IL17REL: variants seen among roughly 807,000 people sequenced by gnomAD.
The protein encoded by IL17REL is interleukin 17 receptor E like.
A neutral mutation model predicts 49.0 loss-of-function variants in IL17REL; 36 were observed. The observed-to-expected ratio is 0.73, with a 90% CI of 0.56 to 0.97. IL17REL has a LOEUF of 0.97. IL17REL is among the 50% of genes least tolerant of loss of function. The probability of loss-of-function intolerance (pLI) is 0.00; values close to 1 mark genes in which losing one functional copy is unlikely to be tolerated. For synonymous variants in IL17REL, 206 were observed against 192.4 expected (o/e 1.07, Z -0.58); for missense variants, 470 against 453.9 (o/e 1.04, Z -0.32).
At chr22:50,009,439 C>T, upstream of IL17REL, among the ~76,000 whole-genome samples, 1 of 152,182 alleles carries the variant, frequency 6.6e-6, no homozygotes, top group Non-Finnish European at 1.5e-5. Context: ...CACCCCGGCA[C>T]CAACGGCGTG....
At position 49,998,429 on chromosome 22, in the gene IL17REL, T is replaced by C. The variant is rs141452231; in HGVS notation, c.602-120A>G. On this transcript the variant is annotated intron_variant, in intron 7 of 12. Coordinates refer to ENST00000341280, the Ensembl canonical transcript of IL17REL. ...AGGGTCCAGCGCAGTCCTATGGGTC[T>C]CTGAGCCCTGGCTCAAGGCTGTGCA... 577 of 893,484 alleles carry C rather than the reference T, an allele frequency of 6.5e-4. 4 individuals are homozygous for C. In the African/African-American group the frequency reaches 8.7e-3, roughly 13 times the overall value. 55.3% of individuals were successfully genotyped at this position (893,484 alleles called of 1,614,324 possible).
exon 4 of IL17REL, chr22:50,000,518 A>C (rs1209329104): frequency 6.2e-7 from 1 of 1,613,576 alleles, no homozygotes; most frequent in Admixed American, 1.7e-5. Flanking sequence ...CCCCGCAGAA[A>C]TGAGGGATGG....
chr22:49,996,160 C>T (rs1191953781), exon 13 of IL17REL: 1 of 152,308 alleles, frequency 6.6e-6, no homozygotes, highest in Non-Finnish European at 1.5e-5. Flanking sequence ...TCCAGAGACC[C>T]CTGCCTGGCC....
chr22:50,003,042 G>C (rs574488397), intron 1 of IL17REL, among the ~76,000 whole-genome samples: 14 of 152,348 alleles, frequency 9.2e-5, no homozygotes, highest in African/African-American at 3.4e-4. Context: ...CCCAAGTGGA[G>C]CTTGGCACAC....
intron 7 of IL17REL, 72 bp from the exon 10 acceptor site, chr22:49,998,381 C>T (rs1264343469): frequency 2.8e-6 from 4 of 1,431,436 alleles, no homozygotes; most frequent in African/African-American, 2.9e-5. Context: ...GGGTCTAGCA[C>T]CCACTCAAGT....
At chr22:50,001,210 C>T in exon 2 of IL17REL, 1 of 1,495,494 alleles carries the variant, frequency 6.7e-7, no homozygotes, top group South Asian at 1.2e-5. Flanking sequence ...GCGTGGCCGG[C>T]AGAAGCTGTT....
rs537590122 is a variant in IL17REL at position 50,000,411 on chromosome 22, G to C, written c.334+67C>G. On this transcript the variant is annotated intron_variant, in intron 4 of 12. Transcript: ENST00000341280. ...AGGGCCAGGCCCCTGCCCTGGGCAAGTCCCACCCCAAGCCAGGCCCTGGAG... is the reference window on the plus strand; with the variant it reads ...AGGGCCAGGCCCCTGCCCTGGGCAACTCCCACCCCAAGCCAGGCCCTGGAG... 5 of 1,236,720 alleles carry C rather than the reference G, an allele frequency of 4.0e-6. No individual in the cohort carries two copies. In the African/African-American group the frequency reaches 7.4e-5, roughly 18 times the overall value. 76.6% of individuals were successfully genotyped at this position (1,236,720 alleles called of 1,614,324 possible).
intron 10 of IL17REL, chr22:49,997,464 C>A (rs370586958): frequency 6.4e-7 from 1 of 1,565,616 alleles, no homozygotes; most frequent in African/African-American, 1.4e-5. Context: ...TGGGCGAAGG[C>A]TGGATGGTCA....
chr22:50,000,405 G>T, intron 4 of IL17REL, 73 bp downstream of exon 5: 1 of 1,154,640 alleles, frequency 8.7e-7, no homozygotes, highest in Non-Finnish European at 1.3e-6. Flanking sequence ...CCCCTGCCCT[G>T]GGCAAGTCCC....
At chr22:49,997,031 G>A (rs1466561653) in exon 12 of IL17REL, 18 of 1,548,134 alleles carry the variant, frequency 1.2e-5, no homozygotes, top group Non-Finnish European at 1.6e-5. Context: ...CTCCTCCCTG[G>A]GAAGGTCTAG....
intron 1 of IL17REL, among the ~76,000 whole-genome samples, chr22:50,006,252 A>G (rs1312685549): frequency 6.6e-6 from 1 of 152,132 alleles, no homozygotes; most frequent in Non-Finnish European, 1.5e-5. Flanking sequence ...AGCTCCCCCA[A>G]AGCCCACAAC....
chr22:50,000,629 G>T (rs1569209833), intron 3 of IL17REL, 37 bp from the exon 5 acceptor site: 1 of 1,584,360 alleles, frequency 6.3e-7, no homozygotes, highest in Non-Finnish European at 8.7e-7. Context: ...TGGACTCAGA[G>T]GCACTGCCCA....
At chr22:50,002,495 C>CTTTTTTTTTTT (rs398040533) in intron 1 of IL17REL, among the ~76,000 whole-genome samples, 6 of 127,900 alleles carry the variant, frequency 4.7e-5, no homozygotes, top group Admixed American at 8.0e-5. Context: ...CTTTTCTTTT[C>CTTTTTTTTTTT]TTTTTTTTTT....
chr22:49,998,883 G>T (rs1401345638), intron 7 of IL17REL, among the ~76,000 whole-genome samples: 2 of 151,938 alleles, frequency 1.3e-5, no homozygotes, highest in Non-Finnish European at 2.9e-5. Flanking sequence ...GGGTGTCTGT[G>T]CATGTGTGTG....
chr22:49,995,890 C>A (rs1427459984), exon 13 of IL17REL: 1 of 152,418 alleles, frequency 6.6e-6, no homozygotes, highest in Admixed American at 6.5e-5. Context: ...GGGCCGTGGA[C>A]TTGCCCAGCA....
chr22:50,002,495 C>CTTTTTTTTTTTTTT (rs398040533), intron 1 of IL17REL, among the ~76,000 whole-genome samples: 1 of 127,910 alleles, frequency 7.8e-6, no homozygotes, highest in African/African-American at 3.0e-5. Context: ...CTTTTCTTTT[C>CTTTTTTTTTTTTTT]TTTTTTTTTT....
intron 4 of IL17REL, 52 bp from the exon 7 acceptor site, chr22:50,000,019 G>C (rs1601887582): frequency 7.0e-7 from 1 of 1,425,094 alleles, no homozygotes; most frequent in Non-Finnish European, 9.3e-7. Flanking sequence ...TCACCGACGC[G>C]GGGCTCTGTC....
At chr22:50,000,921 ACGGG>A in intron 2 of IL17REL, 58 bp from the exon 4 acceptor site, 1 of 1,374,322 alleles carries the variant, frequency 7.3e-7, no homozygotes, top group Non-Finnish European at 9.8e-7. Context: ...CTGGCTCCGG[ACGGG>A]GCCGTGGGAC....
intron 7 of IL17REL, among the ~76,000 whole-genome samples, chr22:49,998,650 A>G (rs1160460555): frequency 6.9e-6 from 1 of 145,922 alleles, no homozygotes; most frequent in Non-Finnish European, 1.5e-5. Context: ...CTGCCTGTGC[A>G]TGGGTGTCAT....
Sources: allele counts gnomAD v4.1 joint callset (sites outside exome capture counted in the v4.1 genomes callset), GRCh38; gene constraint gnomAD v4.1.1; transcripts MANE v1.5; gene names NCBI Gene and HGNC (gene_info 2026-07-23, HGNC 2026-07-21).